Variants in BCO1 observed in about 807,000 individuals in gnomAD.
BCO1 encodes the protein beta,beta-carotene 15,15'-dioxygenase.
Under a neutral mutation model 56.3 loss-of-function variants are expected in BCO1, and 54 were observed. The ratio of observed to expected loss-of-function variants is 0.96; its 90% confidence interval spans 0.77 to 1.20. BCO1 has a LOEUF of 1.20. Ranked by LOEUF, BCO1 falls within the 50% of genes most tolerant of loss-of-function variation. The pLI is 0.00. For synonymous variants in BCO1, 318 were observed against 266.1 expected (o/e 1.20, Z -1.90); for missense variants, 801 against 690.9 (o/e 1.16, Z -1.79).
Position 81,285,557 on chromosome 16 carries a change from G to A in BCO1, c.1225G>A (p.Val409Ile), listed in dbSNP as rs965295686. 1 of 1,613,328 alleles carries A rather than the reference G, an allele frequency of 6.2e-7. No individual in the cohort carries two copies. The highest frequency in any genetic ancestry group is 8.5e-7 in the Non-Finnish European group (1 of 1,179,434). The change falls in exon 9 of 11, where the codon GTC (valine) becomes ATC (isoleucine). Residue 409 changes from valine (V) to isoleucine (I), a missense_variant. Coordinates refer to ENST00000258168, the MANE Select transcript of BCO1 (RefSeq NM_017429.3). ...FLYEGLELPRVNYAHNGKQYR... is the reference protein window; with the variant it reads ...FLYEGLELPRINYAHNGKQYR... ...CCTTGTAGGCTTAGAGCTTCCACGG[G>A]TCAATTATGCTCACAATGGAAAGCA...
At chr16:81,272,554 G>A (rs1295117945) in intron 7 of BCO1, among the ~76,000 whole-genome samples, 2 of 152,136 alleles carry the variant, frequency 1.3e-5, no homozygotes, top group Admixed American at 1.3e-4. Flanking sequence ...ATTCTCTGAT[G>A]TTGGAAGTTC....
At chr16:81,257,599 G>T (rs188251272) in intron 2 of BCO1, among the ~76,000 whole-genome samples, 1 of 150,402 alleles carries the variant, frequency 6.6e-6, no homozygotes, top group East Asian at 2.0e-4. Flanking sequence ...AAGAAACTTC[G>T]CAGGCTAGGC....
chr16:81,238,781 CAG>C lies in BCO1; in HGVS notation c.-124_-123del, dbSNP rs1008830867. On this transcript the variant is annotated 5_prime_UTR_variant, in exon 1 of 11. The change creates a new upstream start codon in the 5' untranslated region. Coordinates refer to ENST00000258168, the MANE Select transcript of BCO1 (RefSeq NM_017429.3). ...AAGGCAGAAACGGCATCAGGAGAGA[CAG>C]AGATGTGAAGGAGGGAAGGAGCAGG... is the stretch of plus-strand genomic sequence containing the variant. 2 of 833,444 alleles carry C rather than the reference CAG, an allele frequency of 2.4e-6. No homozygotes were observed. The highest frequency in any genetic ancestry group is 4.1e-6 in the Non-Finnish European group (2 of 484,272). 51.6% of individuals were successfully genotyped at this position (833,444 alleles called of 1,614,324 possible). A position where few individuals can be genotyped will look rare whatever the true frequency, so the allele number is the denominator to read the frequency against.
chr16:81,278,575 A>T (rs953260078), intron 7 of BCO1, among the ~76,000 whole-genome samples: 2 of 152,344 alleles, frequency 1.3e-5, no homozygotes, highest in East Asian at 3.9e-4. Context: ...ACAAGCTAAA[A>T]TAAGGAAAAG....
At chr16:81,253,557 T>C (rs1905941983) in intron 2 of BCO1, among the ~76,000 whole-genome samples, 1 of 152,170 alleles carries the variant, frequency 6.6e-6, no homozygotes, top group Non-Finnish European at 1.5e-5. Context: ...GGGCAGTTAA[T>C]AAATAATGGT....
intron 1 of BCO1, among the ~76,000 whole-genome samples, chr16:81,241,388 G>C (rs1433403399): frequency 6.6e-6 from 1 of 152,150 alleles, no homozygotes; most frequent in East Asian, 1.9e-4. Flanking sequence ...TACACCTCAT[G>C]TTTAATGACT....
intron 4 of BCO1, 102 bp from the exon 5 acceptor site, chr16:81,264,538 A>T (rs983240201): frequency 1.4e-5 from 19 of 1,389,770 alleles, no homozygotes; most frequent in Middle Eastern, 1.8e-4. Context: ...TCACGTTTTC[A>T]TAGGACTTCA....
rs7196607 is a variant in BCO1 at position 81,258,655 on chromosome 16, A to G, written c.194-1021A>G. 4.7e-3 allele frequency among the ~76,000 whole-genome samples: 717 copies of G among 152,360 alleles called. 3 individuals are homozygous for G. Among genetic ancestry groups the G allele is most frequent in the African/African-American group, 0.016 (685 of 41,600 alleles). Reference sequence around the variant, plus strand: ...CACTCTCAGATGGGTGACCCTGGGCAAGGTGAAAGAATGTTTCTGAGCCTG... The same window carrying G: ...CACTCTCAGATGGGTGACCCTGGGCGAGGTGAAAGAATGTTTCTGAGCCTG... On this transcript the variant is annotated intron_variant, in intron 2 of 10. Transcript: ENST00000258168.
intron 8 of BCO1, among the ~76,000 whole-genome samples, chr16:81,284,110 T>C (rs1908031093): frequency 6.6e-6 from 1 of 151,546 alleles, no homozygotes; most frequent in Admixed American, 6.6e-5. Context: ...GGAGAATTGC[T>C]TGAACCTGGG....
intron 7 of BCO1, among the ~76,000 whole-genome samples, chr16:81,278,487 T>C (rs1907685219): frequency 1.3e-5 from 2 of 152,230 alleles, no homozygotes; most frequent in African/African-American, 4.8e-5. Flanking sequence ...GTGCATTCAC[T>C]CATTAATTCA....
At chr16:81,249,989 A>C (rs749718431) in intron 2 of BCO1, among the ~76,000 whole-genome samples, 1 of 152,178 alleles carries the variant, frequency 6.6e-6, no homozygotes, top group African/African-American at 2.4e-5. Context: ...ACAGTGAGGC[A>C]GTCATTGTTT....
At chr16:81,254,295 A>ATTTTTTTTTTTT (rs57961725) in intron 2 of BCO1, among the ~76,000 whole-genome samples, 5 of 78,288 alleles carry the variant, frequency 6.4e-5, no homozygotes, top group African/African-American at 1.2e-4. Context: ...CGCCCGGCTA[A>ATTTTTTTTTTTT]TTTTTTTTTT....
intron 3 of BCO1, among the ~76,000 whole-genome samples, chr16:81,260,664 A>G (rs1429502179): frequency 1.3e-5 from 2 of 151,968 alleles, no homozygotes; most frequent in African/African-American, 4.8e-5. Context: ...ACCCACCACC[A>G]CGCCCGGCTA....
chr16:81,239,018 TTA>T (rs761353664), intron 1 of BCO1, 46 bp downstream of exon 1: 42 of 1,505,130 alleles, frequency 2.8e-5, no homozygotes, highest in South Asian at 2.7e-4. Flanking sequence ...ATTTATTTTA[TTA>T]TTTTTTTTTT....
intron 2 of BCO1, among the ~76,000 whole-genome samples, chr16:81,258,371 T>G (rs548971810): frequency 3.3e-5 from 5 of 152,324 alleles, no homozygotes; most frequent in Admixed American, 2.6e-4. Flanking sequence ...TTGGATGAAT[T>G]AGACATTGAA....
chr16:81,285,744 G>T lies in BCO1; in HGVS notation c.1302+110G>T, dbSNP rs181481431. On this transcript the variant is annotated intron_variant, in intron 9 of 10. Transcript: ENST00000258168. ...ATTAGAAAAGAGGAGGTCAGAAGGA[G>T]TAAGCCTAGGATAAAATAAATTTGA... The T allele has an allele frequency of 4.8e-6, 4 of 832,228 alleles. No homozygotes were observed. The East Asian group carries it at 1.0e-4, about 21-fold the overall frequency. 51.6% of individuals were successfully genotyped at this position (832,228 alleles called of 1,614,324 possible).
At chr16:81,280,776 TAA>T in intron 7 of BCO1, 79 bp from the exon 8 acceptor site, 1 of 1,054,660 alleles carries the variant, frequency 9.5e-7, no homozygotes. Context: ...TCAAGCATTT[TAA>T]AAAATATATA....
intron 2 of BCO1, among the ~76,000 whole-genome samples, chr16:81,256,574 G>T (rs942867451): frequency 2.0e-5 from 3 of 152,132 alleles, no homozygotes; most frequent in African/African-American, 7.2e-5. Flanking sequence ...CCCTCCCCGA[G>T]GTTTCAAACT....
chr16:81,252,620 G>T (rs1905878435), intron 2 of BCO1, among the ~76,000 whole-genome samples: 1 of 152,158 alleles, frequency 6.6e-6, no homozygotes, highest in Admixed American at 6.5e-5. Context: ...CTTGTGGGTG[G>T]TGACTCCCAG....
Sources: allele counts gnomAD v4.1 joint callset (sites outside exome capture counted in the v4.1 genomes callset), GRCh38; gene constraint gnomAD v4.1.1; transcripts MANE v1.5; gene names NCBI Gene and HGNC (gene_info 2026-07-23, HGNC 2026-07-21).